TMEM51: variants seen among roughly 807,000 people sequenced by gnomAD.
TMEM51 encodes the protein chromosome 1 open reading frame 72.
In TMEM51, 8 loss-of-function variants were observed where a neutral mutation model predicts 13.6. That is an observed-to-expected ratio of 0.59 (90% CI 0.35 to 1.07). TMEM51 has a LOEUF of 1.07. TMEM51 is among the 50% of genes least tolerant of loss of function. The pLI is 0.02. For missense variants in TMEM51, 279 were observed against 330.7 expected (o/e 0.84, Z 1.21); for synonymous variants, 147 against 144.4 (o/e 1.02, Z -0.13).
chr1:15,168,842 T>C (rs755291152), intron 1 of TMEM51: 9 of 1,236,718 alleles, frequency 7.3e-6, no homozygotes, highest in Non-Finnish European at 8.3e-6. Context: ...CGGCTCATGA[T>C]AAAAGTTACA....
intron 1 of TMEM51, among the ~76,000 whole-genome samples, chr1:15,202,076 C>G (rs1644166134): frequency 6.6e-6 from 1 of 152,140 alleles, no homozygotes; most frequent in Non-Finnish European, 1.5e-5. Flanking sequence ...GACTCAAGCA[C>G]GAGAATACCT....
intron 1 of TMEM51, among the ~76,000 whole-genome samples, chr1:15,180,444 C>T (rs534528699): frequency 6.6e-6 from 1 of 152,336 alleles, no homozygotes; most frequent in South Asian, 2.1e-4. Context: ...GGGCGTCGGG[C>T]AGAACCAGAC....
At position 15,215,235 on chromosome 1, in the gene TMEM51, A is replaced by C. The variant is rs1479142373; in HGVS notation, c.148A>C (p.Lys50Gln). 3 of 1,614,200 alleles carry C rather than the reference A, an allele frequency of 1.9e-6. No individual in the cohort carries two copies. The highest frequency in any genetic ancestry group is 2.7e-5 in the African/African-American group (2 of 75,044). ...GAAGCCAACAGCTCAGGGCAGCAACAAGACCGAGGTGGGTGGCGGCATCCT... is the reference window on the plus strand; with the variant it reads ...GAAGCCAACAGCTCAGGGCAGCAACCAGACCGAGGTGGGTGGCGGCATCCT... ...AEKPTAQGSNKTEVGGGILKS... is the reference protein window; with the variant it reads ...AEKPTAQGSNQTEVGGGILKS... The change falls in exon 3 of 4, where the codon AAG (lysine) becomes CAG (glutamine). Residue 50 changes from lysine to glutamine, a missense_variant. Transcript: ENST00000376008.
Position 15,200,957 on chromosome 1 carries a change from G to A in TMEM51, c.-266-9533G>A, listed in dbSNP as rs979852435. On this transcript the variant is annotated intron_variant, in intron 1 of 3. Coordinates refer to ENST00000376008, the MANE Select transcript of TMEM51 (RefSeq NM_001136218.2). ...ATCTCTTCGTGGGAGTGGGGGGCCC[G>A]GGAGGCACCAGGCAGTGGAGTGTGC... Among the ~76,000 whole-genome samples, 8 of 152,250 alleles carry A rather than the reference G, an allele frequency of 5.3e-5. No individual in the cohort carries two copies. In the East Asian group the frequency reaches 9.7e-4, roughly 18 times the overall value.
Position 15,219,333 on chromosome 1 carries a change from G to A in TMEM51, c.352G>A (p.Glu118Lys). Reference protein sequence around the residue: ...PHAQEEDSQEEEEEDEEAASR... With the variant: ...PHAQEEDSQEKEEEDEEAASR... ...CTGTGTGTCTTCTTGCAGCCAGGAG[G>A]AAGAAGAGGAGGATGAGGAGGCTGC... Residue 118 changes from glutamate to lysine, a missense_variant, in exon 4 of 4, where the codon GAA (glutamate) becomes AAA (lysine). Physicochemically the swap from Glu to Lys is moderately conservative, Grantham distance 56. Transcript: ENST00000376008. 1 of 1,577,456 alleles carries A rather than the reference G, an allele frequency of 6.3e-7. No individual in the cohort carries two copies. The highest frequency in any genetic ancestry group is 8.6e-7 in the Non-Finnish European group (1 of 1,159,880).
At chr1:15,154,446 CG>C (rs1304628330) in intron 1 of TMEM51, among the ~76,000 whole-genome samples, 1 of 152,126 alleles carries the variant, frequency 6.6e-6, no homozygotes, top group Non-Finnish European at 1.5e-5. Flanking sequence ...CAAGCAAACA[CG>C]GGGGTAAAGA....
At chr1:15,204,012 C>T (rs1295705987) in intron 1 of TMEM51, among the ~76,000 whole-genome samples, 2 of 152,254 alleles carry the variant, frequency 1.3e-5, no homozygotes, top group Non-Finnish European at 2.9e-5. Flanking sequence ...GATAAATTCT[C>T]ATCTGTGACT....
Position 15,215,435 on chromosome 1 carries a change from AGG to A in TMEM51, c.344+5_344+6del. The A allele has an allele frequency of 6.3e-7, 1 of 1,590,510 alleles. No homozygotes were observed. The highest frequency in any genetic ancestry group is 8.5e-7 in the Non-Finnish European group (1 of 1,170,518). Reference sequence around the variant, plus strand: ...CTCACGCCCAGGAGGAAGACAGGTGAGGCCTGACTGTCCCCTTCCCTCCCCGG... The same window carrying A: ...CTCACGCCCAGGAGGAAGACAGGTGACCTGACTGTCCCCTTCCCTCCCCGG... On this transcript the variant is annotated splice_donor_5th_base_variant and intron_variant, in intron 3 of 3. Transcript: ENST00000376008.
At chr1:15,167,980 A>G (rs188001680) in intron 1 of TMEM51, among the ~76,000 whole-genome samples, 75 of 152,318 alleles carry the variant, frequency 4.9e-4, no homozygotes, top group East Asian at 1.9e-4. Flanking sequence ...AGGATGTCCA[A>G]TGAAAAAATA....
intron 1 of TMEM51, among the ~76,000 whole-genome samples, chr1:15,158,364 G>C (rs1250615006): frequency 6.6e-6 from 1 of 152,204 alleles, no homozygotes; most frequent in South Asian, 2.1e-4. Flanking sequence ...GAAGCCACGG[G>C]CCATCTGGGT....
chr1:15,164,261 T>C, intron 1 of TMEM51: 1 of 433,878 alleles, frequency 2.3e-6, no homozygotes. Flanking sequence ...CAGGATCCAA[T>C]TCAAGATGCC....
At chr1:15,208,296 A>T (rs1371338033) in intron 1 of TMEM51, among the ~76,000 whole-genome samples, 7 of 152,262 alleles carry the variant, frequency 4.6e-5, no homozygotes. Context: ...AGGAGGTGGC[A>T]TTTAAGCTGA....
chr1:15,186,563 C>G (rs1336844981), intron 1 of TMEM51, among the ~76,000 whole-genome samples: 2 of 152,172 alleles, frequency 1.3e-5, no homozygotes, highest in Non-Finnish European at 2.9e-5. Context: ...CTTAGCCTCT[C>G]CCAGCTTCAC....
intron 2 of TMEM51, 63 bp from the exon 3 acceptor site, chr1:15,214,832 C>T (rs1035867928): frequency 2.0e-5 from 10 of 493,162 alleles, no homozygotes; most frequent in Non-Finnish European, 3.6e-5. Flanking sequence ...AGAGCCGCCA[C>T]ATTCACAAAG....
chr1:15,164,530 T>C (rs2100820221), intron 1 of TMEM51: 3 of 454,262 alleles, frequency 6.6e-6, no homozygotes, highest in South Asian at 4.7e-5. Flanking sequence ...TAACTTCTTA[T>C]TGATGACATC....
chr1:15,159,710 C>G (rs528322754), intron 1 of TMEM51, among the ~76,000 whole-genome samples: 1 of 152,336 alleles, frequency 6.6e-6, no homozygotes, highest in African/African-American at 2.4e-5. Flanking sequence ...GCATGCGCCA[C>G]CACACCCAGC....
chr1:15,155,997 G>A (rs6429714), intron 1 of TMEM51, among the ~76,000 whole-genome samples: 66,203 of 151,936 alleles, frequency 0.44, 16,071 homozygotes, highest in African/African-American at 0.67. Flanking sequence ...TGGGTTGGTG[G>A]GGGCAGTGGG....
At position 15,215,414 on chromosome 1, in the gene TMEM51, C is replaced by A; in HGVS notation, c.327C>A (p.His109Gln). The change falls in exon 3 of 4, where the codon CAC becomes CAA. Residue 109 changes from histidine to glutamine, a missense_variant. Transcript: ENST00000376008. ...AGCACCCGACAGGCGCTGGGCCTCA[C>A]GCCCAGGAGGAAGACAGGTGAGGCC... ...HVQHPTGAGP[H>Q]AQEEDSQEEE... 1 of 1,603,672 alleles carries A rather than the reference C, an allele frequency of 6.2e-7. No individual in the cohort carries two copies. The highest frequency in any genetic ancestry group is 1.1e-5 in the South Asian group (1 of 90,694).
chr1:15,181,431 C>G (rs1262667787), intron 1 of TMEM51, among the ~76,000 whole-genome samples: 1 of 152,198 alleles, frequency 6.6e-6, no homozygotes, highest in African/African-American at 2.4e-5. Flanking sequence ...AGCAAAAAGC[C>G]TTTTTGAACT....
Sources: gnomAD v4.1 joint callset for allele counts (sites outside exome capture counted in the v4.1 genomes callset) on GRCh38, gnomAD v4.1.1 for gene constraint, MANE v1.5 for transcripts, NCBI Gene and HGNC (gene_info 2026-07-23, HGNC 2026-07-21) for gene names.